The following AFF2 variants were observed in gnomAD, a reference collection of about 807,000 sequenced individuals.
AFF2 encodes the protein AF4/FMR2 family member 2.
Under a neutral mutation model 76.9 loss-of-function variants are expected in AFF2, and 14 were observed. The observed-to-expected ratio is 0.18, with a 90% CI of 0.12 to 0.28. The LOEUF is 0.28. Among genes scored for constraint, AFF2 ranks in the 10% least tolerant of loss-of-function variants. The pLI is 1.00. For synonymous variants in AFF2, 398 were observed against 366.7 expected (o/e 1.09, Z -0.98); for missense variants, 868 against 1,001.1 (o/e 0.87, Z 1.79).
At chrX:148,922,204 G>C (rs2071603591) in intron 9 of AFF2, among the ~76,000 whole-genome samples, 1 of 111,533 alleles carries the variant, frequency 9.0e-6, no homozygotes, top group Admixed American at 9.5e-5. Flanking sequence ...TCCTCCCCTG[G>C]TATATTTCTT....
chrX:148,701,007 AG>A (rs2054785401), intron 3 of AFF2, among the ~76,000 whole-genome samples: 1 of 83,122 alleles, frequency 1.2e-5, no homozygotes, highest in Non-Finnish European at 2.3e-5. Context: ...AGAGAGAGAG[AG>A]AGAATGTGTG....
At chrX:148,831,663 T>C (rs1351692299) in intron 4 of AFF2, among the ~76,000 whole-genome samples, 1 of 111,963 alleles carries the variant, frequency 8.9e-6, no homozygotes, top group African/African-American at 3.3e-5. Flanking sequence ...TGGTTAGCAA[T>C]TGATAGCAGA....
intron 3 of AFF2, among the ~76,000 whole-genome samples, chrX:148,693,297 A>G (rs1261665754): frequency 9.0e-6 from 1 of 111,552 alleles, no homozygotes; most frequent in Non-Finnish European, 1.9e-5. Flanking sequence ...ACTTTGAGTC[A>G]GGAGCTTTCT....
At position 148,711,992 on chromosome X, in the gene AFF2, T is replaced by C. The variant is rs1469914887; in HGVS notation, c.1041+49224T>C. ...CTCCTTTGGATTTTTGTAGTGGTGG[T>C]GGTGGTTGCTCATCTCGATGCTGTG... On this transcript the variant is annotated intron_variant, in intron 3 of 20. Transcript: ENST00000370460. 2.7e-5 allele frequency among the ~76,000 whole-genome samples: 3 copies of C among 111,742 alleles called. No individual in the cohort carries two copies. The Admixed American group carries it at 2.9e-4, about 11-fold the overall frequency.
intron 1 of AFF2, among the ~76,000 whole-genome samples, chrX:148,621,003 A>G (rs1346620151): frequency 8.9e-6 from 1 of 111,799 alleles, no homozygotes; most frequent in Non-Finnish European, 1.9e-5. Flanking sequence ...CTCAAAGGAG[A>G]GCTGTGCAAG....
intron 7 of AFF2, among the ~76,000 whole-genome samples, chrX:148,877,973 T>A (rs1047340071): frequency 8.9e-6 from 1 of 111,926 alleles, no homozygotes; most frequent in Admixed American, 9.5e-5. Flanking sequence ...GATTGTACTT[T>A]GGAGGTAGCC....
rs2071948527 is a variant in AFF2 at position 148,950,180 on chromosome X, AAT to A, written c.1398-3399_1398-3398del. Among the ~76,000 whole-genome samples, 3 of 112,192 alleles carry A rather than the reference AAT, an allele frequency of 2.7e-5. No homozygotes were observed. The South Asian group carries it at 1.1e-3, about 43-fold the overall frequency. ...TGATGTTTGTCCTGCTTTTAAAGAC[AAT>A]GTTTCAGTTTTGTACTCACTTTTTG... is the stretch of plus-strand genomic sequence containing the variant. On this transcript the variant is annotated intron_variant, in intron 9 of 20. Transcript: ENST00000370460.
In AFF2 at chrX:148,729,282, A is replaced by G. The variant is rs368538555; in HGVS notation, c.1041+66514A>G. ...GGACCAAAGAAGAGCGTGATAATAGAGGTCCCATTTGAGCTAGGTCTTCAA... is the reference window on the plus strand; with the variant it reads ...GGACCAAAGAAGAGCGTGATAATAGGGGTCCCATTTGAGCTAGGTCTTCAA... On this transcript the variant is annotated intron_variant, in intron 3 of 20. Coordinates refer to ENST00000370460, the MANE Select transcript of AFF2 (RefSeq NM_002025.4). Among the ~76,000 whole-genome samples the G allele has an allele frequency of 1.7e-4, 19 of 111,940 alleles. No individual in the cohort carries two copies. In the East Asian group the frequency reaches 4.5e-3, roughly 27 times the overall value.
intron 3 of AFF2, among the ~76,000 whole-genome samples, chrX:148,780,100 T>G (rs1405221310): frequency 8.9e-6 from 1 of 112,552 alleles, no homozygotes; most frequent in Non-Finnish European, 1.9e-5. Context: ...CTTTTAGGGT[T>G]TCTGCAGAGA....
At chrX:148,670,958 A>G (rs1486948717) in intron 3 of AFF2, among the ~76,000 whole-genome samples, 2 of 111,601 alleles carry the variant, frequency 1.8e-5, no homozygotes, top group African/African-American at 6.5e-5. Context: ...AGAGTATGCA[A>G]ATACTTGGGA....
intron 20 of AFF2, among the ~76,000 whole-genome samples, 162 bp from the exon 21 acceptor site, chrX:148,991,049 A>G (rs782402055): frequency 3.6e-5 from 4 of 112,264 alleles, no homozygotes; most frequent in Non-Finnish European, 7.5e-5. Flanking sequence ...TTGGTCTCCT[A>G]GTAGGCACTC....
At chrX:148,937,431 A>G (rs1233918690) in intron 9 of AFF2, among the ~76,000 whole-genome samples, 1 of 112,471 alleles carries the variant, frequency 8.9e-6, no homozygotes, top group African/African-American at 3.2e-5. Flanking sequence ...CTATTGCCAA[A>G]GACAAAGATG....
rs781883999 is a variant in AFF2, at chrX:148,551,482, GAAAAAAAAAA to G, written c.47+50356_47+50365del. ...AACTCTCCTCCAGATGCTGGGAAGT[GAAAAAAAAAA>G]AAAAAAAAAAAAAAAAAGAAGAAAG... On this transcript the variant is annotated intron_variant, in intron 1 of 20. Transcript: ENST00000370460. 1.8e-4 allele frequency among the ~76,000 whole-genome samples: 7 copies of G among 38,012 alleles called. No homozygotes were observed. The East Asian group carries it at 4.7e-3, about 25-fold the overall frequency. 33.0% of individuals were successfully genotyped at this position (38,012 alleles called of 115,157 possible).
intron 1 of AFF2, among the ~76,000 whole-genome samples, chrX:148,509,111 G>A (rs781802724): frequency 4.5e-5 from 5 of 111,670 alleles, no homozygotes; most frequent in Admixed American, 2.8e-4. Flanking sequence ...TGAAAGGACC[G>A]TAGAAGATGA....
At chrX:148,708,333 A>AT (rs1751552808) in intron 3 of AFF2, among the ~76,000 whole-genome samples, 1 of 112,016 alleles carries the variant, frequency 8.9e-6, no homozygotes, top group Non-Finnish European at 1.9e-5. Flanking sequence ...CTGTCACTCC[A>AT]TTAGAGACAA....
chrX:148,973,943 C>CA (rs1402407723), intron 16 of AFF2, among the ~76,000 whole-genome samples: 2 of 111,232 alleles, frequency 1.8e-5, no homozygotes, highest in Admixed American at 1.9e-4. Flanking sequence ...TTTTATAATT[C>CA]AAAAAAATGG....
At chrX:148,902,543 A>C (rs991537081) in intron 8 of AFF2, among the ~76,000 whole-genome samples, 1 of 111,867 alleles carries the variant, frequency 8.9e-6, no homozygotes, top group African/African-American at 3.3e-5. Flanking sequence ...GGAAAGCTGC[A>C]TGGCAGTCCC....
At chrX:148,507,179 C>G (rs1378965511) in intron 1 of AFF2, among the ~76,000 whole-genome samples, 1 of 112,357 alleles carries the variant, frequency 8.9e-6, no homozygotes, top group Non-Finnish European at 1.9e-5. Context: ...GTCCCTCTGC[C>G]TGTGTGATTG....
intron 8 of AFF2, among the ~76,000 whole-genome samples, chrX:148,892,037 G>C (rs782283025): frequency 9.0e-5 from 10 of 111,686 alleles, no homozygotes; most frequent in Non-Finnish European, 1.5e-4. Flanking sequence ...TTTAAAAACA[G>C]AACTGAACCA....
Sources: gnomAD v4.1 joint callset for allele counts (sites outside exome capture counted in the v4.1 genomes callset) on GRCh38, gnomAD v4.1.1 for gene constraint, MANE v1.5 for transcripts, NCBI Gene and HGNC (gene_info 2026-07-23, HGNC 2026-07-21) for gene names.